Variants in DYSF observed in about 807,000 individuals in gnomAD.
The protein encoded by DYSF is dysferlin, also known as dystrophy-associated fer-1-like 1.
In DYSF, 212 loss-of-function variants were observed where a neutral mutation model predicts 274.9. The ratio of observed to expected loss-of-function variants is 0.77; its 90% CI spans 0.69 to 0.86. The LOEUF (loss-of-function observed/expected upper bound fraction) is 0.86, where lower values mean the gene tolerates loss of function less well. Among genes scored for constraint, DYSF ranks in the 40% least tolerant of loss-of-function variants. DYSF has a pLI of 0.00. For synonymous variants in DYSF, 1,091 were observed against 1,078.7 expected (o/e 1.01, Z -0.22); for missense variants, 2,666 against 2,783.2 (o/e 0.96, Z 0.95).
At chr2:71,466,504 G>A (rs926325459), upstream of DYSF, among the ~76,000 whole-genome samples, 1 of 152,164 alleles carries the variant, frequency 6.6e-6, no homozygotes, top group Non-Finnish European at 1.5e-5. Flanking sequence ...CTGCGCGCCC[G>A]CGTCAGCGGC....
intron 12 of DYSF, among the ~76,000 whole-genome samples, chr2:71,521,217 T>C (rs186557384): frequency 1.3e-3 from 196 of 152,290 alleles, no homozygotes; most frequent in Non-Finnish European, 1.7e-3. Context: ...ATATATATTA[T>C]ATTGTGACTT....
chr2:71,684,568 T>G (rs2095333767), intron 55 of DYSF, among the ~76,000 whole-genome samples: 1 of 152,184 alleles, frequency 6.6e-6, no homozygotes, highest in Non-Finnish European at 1.5e-5. Context: ...GGAAAAGTAC[T>G]GTGGATGATC....
rs756186706 is a variant in DYSF at position 71,602,813 on chromosome 2, G to T, written c.3957+8G>T. The T allele has an allele frequency of 6.8e-6, 11 of 1,612,908 alleles. No individual in the cohort carries two copies. Among genetic ancestry groups the T allele is most frequent in the South Asian group, 1.1e-5 (1 of 90,846 alleles). On this transcript the variant is annotated splice_region_variant and intron_variant, in intron 36 of 55. Transcript: ENST00000410020. ...TCAAGGATCCTGGATGAGGTGAGCT[G>T]GGCGTGGTGGTTGGGATGGGTGGGC...
In DYSF at chr2:71,598,438, T is replaced by C. The variant is rs529479884; in HGVS notation, c.3575-126T>C. The C allele has an allele frequency of 7.0e-6, 8 of 1,136,800 alleles. No homozygotes were observed. In the South Asian group the frequency reaches 9.2e-5, roughly 13 times the overall value. The allele number at this position is 1,136,800 out of a possible 1,614,324, so 70.4% of individuals were successfully genotyped here. ...TAGGGAAGATGCATCCCAGCATGAA[T>C]GTTGTTGCTCCAGAGTGGCAGCCAC... On this transcript the variant is annotated intron_variant, in intron 32 of 55. Coordinates refer to ENST00000410020, the MANE Select transcript of DYSF (RefSeq NM_001130987.2).
rs568338764 is a variant in DYSF at position 71,551,614 on chromosome 2, G to T, written c.1700G>T (p.Gly567Val). 1 of 1,606,114 alleles carries T rather than the reference G, an allele frequency of 6.2e-7. No homozygotes were observed. The highest frequency in any genetic ancestry group is 1.7e-4 in the Middle Eastern group (1 of 6,050). ...YTELNTGKGE[G>V]VAYRGRLLLS... ...ACCTGACCTCCCTGGCAGGGGGAAG[G>T]TGTGGCTTATCGTGGCCGGCTTCTG... is the stretch of plus-strand genomic sequence containing the variant. Residue 567 changes from glycine to valine, a missense_variant, in exon 19 of 56, where the codon GGT becomes GTT. Around this residue, in one of 3 missense-constraint regions of DYSF, gnomAD observed 794 missense variants for 777.1 expected, o/e 1.02. Transcript: ENST00000410020.
At chr2:71,641,024 C>T (rs949872960) in intron 41 of DYSF, among the ~76,000 whole-genome samples, 1 of 152,082 alleles carries the variant, frequency 6.6e-6, no homozygotes, top group African/African-American at 2.4e-5. Context: ...GAAAATCATT[C>T]ACTTCATCTA....
chr2:71,686,549 T>A lies in DYSF; in HGVS notation c.*57T>A. The stretch of plus-strand genomic sequence containing the variant: ...GGTCCCCTCCAGCATGGGACTGGCC[T>A]GCCTCCTCCGCCCAGCTCGGCGAGC... On this transcript the variant is annotated 3_prime_UTR_variant, in exon 56 of 56. Transcript: ENST00000410020. 1 of 1,604,988 alleles carries A rather than the reference T, an allele frequency of 6.2e-7. No homozygotes were observed. Among genetic ancestry groups the A allele is most frequent in the Non-Finnish European group, 8.5e-7 (1 of 1,172,682 alleles).
At chr2:71,652,072 G>T (rs2094674070) in intron 42 of DYSF, among the ~76,000 whole-genome samples, 1 of 152,188 alleles carries the variant, frequency 6.6e-6, no homozygotes, top group Non-Finnish European at 1.5e-5. Flanking sequence ...TGTAGAAAAT[G>T]AACTTGTATT....
intron 32 of DYSF, among the ~76,000 whole-genome samples, chr2:71,592,681 T>A (rs1574227083): frequency 1.3e-5 from 2 of 152,144 alleles, no homozygotes; most frequent in African/African-American, 4.8e-5. Context: ...GCCTGCCGGG[T>A]GTCTGGGGCA....
At position 71,615,750 on chromosome 2, in the gene DYSF, C is replaced by T. The variant is rs2093866694; in HGVS notation, c.4464+2340C>T. Among the ~76,000 whole-genome samples, 1 of 152,172 alleles carries T rather than the reference C, an allele frequency of 6.6e-6. No homozygotes were observed. The highest frequency in any genetic ancestry group is 1.5e-5 in the Non-Finnish European group (1 of 68,018). ...ACTATGGCTGGGCTTTCTTCCTCTC[C>T]CTCCTTCCCCAGTGCAGATAGCATG... On this transcript the variant is annotated intron_variant, in intron 40 of 55. Coordinates refer to ENST00000410020, the MANE Select transcript of DYSF (RefSeq NM_001130987.2). This position sits in a 1 kb window ranked among gnomAD's most constrained non-coding sequence, Gnocchi z 4.9.
intron 41 of DYSF, among the ~76,000 whole-genome samples, chr2:71,641,870 G>A (rs2094491235): frequency 6.6e-6 from 1 of 152,094 alleles, no homozygotes; most frequent in Non-Finnish European, 1.5e-5. Context: ...ACTGATAGTG[G>A]TTTTATTTCT....
intron 8 of DYSF, 74 bp downstream of exon 8, chr2:71,515,825 C>A (rs1242537559): frequency 5.0e-6 from 8 of 1,599,094 alleles, no homozygotes; most frequent in Non-Finnish European, 6.8e-6. Flanking sequence ...AGACACCTGG[C>A]AATTCATTCA....
At chr2:71,485,644 A>G (rs2083301113) in intron 3 of DYSF, among the ~76,000 whole-genome samples, 1 of 152,208 alleles carries the variant, frequency 6.6e-6, no homozygotes, top group Admixed American at 6.5e-5. Flanking sequence ...CAGATGGCAA[A>G]GTACTTCCAC....
At position 71,551,612 on chromosome 2, in the gene DYSF, A is replaced by C. The variant is rs1573933468; in HGVS notation, c.1698A>C (p.Glu566Asp). 5.6e-6 allele frequency: 9 copies of C among 1,605,442 alleles called. No homozygotes were observed. Among genetic ancestry groups the C allele is most frequent in the African/African-American group, 4.0e-5 (3 of 75,010 alleles). The change falls in exon 19 of 56, where the codon GAA becomes GAC. Residue 566 changes from glutamate (E) to aspartate (D), a missense_variant. By Grantham distance (45) the Glu-to-Asp change is conservative. Transcript: ENST00000410020. ...PYTELNTGKG[E>D]GVAYRGRLLL... ...TGACCTGACCTCCCTGGCAGGGGGA[A>C]GGTGTGGCTTATCGTGGCCGGCTTC...
chr2:71,640,554 G>A (rs949809766), intron 41 of DYSF, among the ~76,000 whole-genome samples: 7 of 152,228 alleles, frequency 4.6e-5, no homozygotes, highest in African/African-American at 1.7e-4. Context: ...TGGCTGGCCA[G>A]TAGGCCATAG....
chr2:71,554,201 A>G (rs142364162), intron 21 of DYSF, among the ~76,000 whole-genome samples: 2 of 152,300 alleles, frequency 1.3e-5, no homozygotes, highest in African/African-American at 4.8e-5. Context: ...AGGAAAACCT[A>G]TGCCACGCAG....
chr2:71,501,925 G>A (rs1335362530), intron 3 of DYSF, among the ~76,000 whole-genome samples: 2 of 152,142 alleles, frequency 1.3e-5, no homozygotes, highest in Admixed American at 6.5e-5. Flanking sequence ...AAGTGGAATT[G>A]CTAGATCATA....
chr2:71,654,634 A>G (rs753481862), intron 42 of DYSF, among the ~76,000 whole-genome samples: 3 of 152,068 alleles, frequency 2.0e-5, no homozygotes, highest in Non-Finnish European at 2.9e-5. Flanking sequence ...AATAAAAATA[A>G]TAATATTGAA....
At chr2:71,648,806 A>AT (rs1275962949) in intron 42 of DYSF, among the ~76,000 whole-genome samples, 3 of 152,282 alleles carry the variant, frequency 2.0e-5, no homozygotes, top group East Asian at 1.9e-4. Flanking sequence ...GATGGCTTCC[A>AT]TTTTTTCGTA....
Sources: allele counts gnomAD v4.1 joint callset (sites outside exome capture counted in the v4.1 genomes callset), GRCh38; gene constraint gnomAD v4.1.1; regional missense constraint gnomAD v4.1.1; non-coding constraint Gnocchi (gnomAD v3.1); transcripts MANE v1.5; gene names NCBI Gene and HGNC (gene_info 2026-07-23, HGNC 2026-07-21).